The following FAM168B variants were observed in gnomAD, a reference collection of about 807,000 sequenced individuals.
FAM168B encodes family with sequence similarity 168 member B.
Under a neutral mutation model 21.8 loss-of-function variants are expected in FAM168B, and 19 were observed. The ratio of observed to expected loss-of-function variants is 0.87; its 90% confidence interval spans 0.61 to 1.28. FAM168B has a LOEUF of 1.28. Ranked by LOEUF, FAM168B falls within the 50% of genes most tolerant of loss-of-function variation. The pLI, the probability that FAM168B is intolerant of heterozygous loss-of-function variation, is 0.00. For missense variants in FAM168B, 233 were observed against 263.1 expected (o/e 0.89, Z 0.79); for synonymous variants, 126 against 104.8 (o/e 1.20, Z -1.24).
At chr2:131,079,074 G>A (rs186532510) in intron 2 of FAM168B, among the ~76,000 whole-genome samples, 12 of 152,042 alleles carry the variant, frequency 7.9e-5, no homozygotes, top group African/African-American at 2.4e-5. Flanking sequence ...GACATTATTC[G>A]GGAAAATAAT....
chr2:131,066,820 C>T (rs934876625), intron 3 of FAM168B, among the ~76,000 whole-genome samples: 4 of 152,218 alleles, frequency 2.6e-5, no homozygotes, highest in African/African-American at 9.6e-5. Flanking sequence ...CAATTCAAAG[C>T]TCTGATTCCA....
intron 1 of FAM168B, among the ~76,000 whole-genome samples, chr2:131,088,446 G>C (rs1693832696): frequency 6.6e-6 from 1 of 152,120 alleles, no homozygotes. Flanking sequence ...AGGAAGGCCA[G>C]ATAATTCTAA....
At chr2:131,062,866 T>C (rs1368366051) in intron 3 of FAM168B, among the ~76,000 whole-genome samples, 1 of 152,210 alleles carries the variant, frequency 6.6e-6, no homozygotes, top group African/African-American at 2.4e-5. Context: ...ATGCTAAACT[T>C]GTGCATTTCA....
intron 2 of FAM168B, among the ~76,000 whole-genome samples, chr2:131,081,338 T>G (rs575545916): frequency 1.3e-5 from 2 of 152,298 alleles, no homozygotes; most frequent in African/African-American, 4.8e-5. Flanking sequence ...AGGCAGAACT[T>G]TGCCTGCAGG....
rs558096474 is a variant in FAM168B at position 131,073,251 on chromosome 2, C to G, written c.71-1313G>C. 2.6e-5 allele frequency among the ~76,000 whole-genome samples: 4 copies of G among 152,212 alleles called. No individual in the cohort carries two copies. In the East Asian group the frequency reaches 7.7e-4, roughly 29 times the overall value. The stretch of plus-strand genomic sequence containing the variant: ...GGGACTACAGGCGTGCACCACCACG[C>G]CCAGCTAATTTTTGTATTTTTAGTA... On this transcript the variant is annotated intron_variant, in intron 2 of 6. Transcript: ENST00000389915.
Position 131,055,691 on chromosome 2 carries a change from G to A in FAM168B, c.159C>T (p.Tyr53=), listed in dbSNP as rs928801552. The change falls in exon 4 of 7, where the codon TAC becomes TAT. Residue 53 remains tyrosine, a synonymous_variant. Transcript: ENST00000389915. ...PGANPTFQTG[Y]TPGTPYKVSC... Reference sequence around the variant, plus strand: ...ACACTTTGTAAGGTGTGCCAGGAGTGTAACCTGGAACAAAGAAGGCAATGG... The same window carrying A: ...ACACTTTGTAAGGTGTGCCAGGAGTATAACCTGGAACAAAGAAGGCAATGG... The A allele has an allele frequency of 2.5e-6, 4 of 1,613,528 alleles. No homozygotes were observed. The highest frequency in any genetic ancestry group is 1.7e-5 in the Admixed American group (1 of 59,916).
chr2:131,084,906 A>T (rs897401219), intron 1 of FAM168B, among the ~76,000 whole-genome samples: 62 of 152,246 alleles, frequency 4.1e-4, no homozygotes, highest in African/African-American at 1.5e-3. Flanking sequence ...GTAGAGACAG[A>T]GTTTCACTAC....
At chr2:131,060,191 A>G (rs1405116179) in intron 3 of FAM168B, among the ~76,000 whole-genome samples, 1 of 152,106 alleles carries the variant, frequency 6.6e-6, no homozygotes, top group East Asian at 1.9e-4. Flanking sequence ...ACACCCAGCT[A>G]ATTTTTGTAT....
At position 131,088,910 on chromosome 2, in the gene FAM168B, C is replaced by T. The variant is rs569143133; in HGVS notation, c.-12+4304G>A. Among the ~76,000 whole-genome samples the T allele has an allele frequency of 4.0e-5, 6 of 151,828 alleles. No individual in the cohort carries two copies. The South Asian group carries it at 1.2e-3, about 32-fold the overall frequency. On this transcript the variant is annotated intron_variant, in intron 1 of 6. Transcript: ENST00000389915. The stretch of plus-strand genomic sequence containing the variant: ...TCCCTGCAACCACCAACTTTCCAGT[C>T]TAATTTGCTGTGGACTAAGAAACCC...
chr2:131,054,960 A>C (rs899961413), intron 5 of FAM168B, among the ~76,000 whole-genome samples: 6 of 152,102 alleles, frequency 3.9e-5, no homozygotes, highest in Admixed American at 3.9e-4. Context: ...CCCGGTACAC[A>C]AAGTGTCCTC....
intron 3 of FAM168B, among the ~76,000 whole-genome samples, 177 bp downstream of exon 3, chr2:131,071,678 T>C (rs1036499091): frequency 4.6e-5 from 7 of 152,164 alleles, no homozygotes; most frequent in South Asian, 2.1e-4. Context: ...ACACAGTATA[T>C]AAAGCTTCAG....
chr2:131,065,866 A>G (rs1363789942), intron 3 of FAM168B, among the ~76,000 whole-genome samples: 1 of 152,082 alleles, frequency 6.6e-6, no homozygotes, highest in African/African-American at 2.4e-5. Flanking sequence ...ATCATTAAAT[A>G]TTCTCCATAA....
At position 131,061,042 on chromosome 2, in the gene FAM168B, G is replaced by A. The variant is rs1264025585; in HGVS notation, c.155-5347C>T. 2.7e-5 allele frequency among the ~76,000 whole-genome samples: 4 copies of A among 150,722 alleles called. No homozygotes were observed. The East Asian group carries it at 8.0e-4, about 30-fold the overall frequency. On this transcript the variant is annotated intron_variant, in intron 3 of 6. Coordinates refer to ENST00000389915, the MANE Select transcript of FAM168B (RefSeq NM_001009993.4). ...AATTTTTTTTTTTTTTGGTAGAGAC[G>A]GGGTTTCACCGTGTTAGCCAGGATG...
At chr2:131,080,662 A>G (rs1278317865) in intron 2 of FAM168B, among the ~76,000 whole-genome samples, 1 of 149,236 alleles carries the variant, frequency 6.7e-6, no homozygotes, top group African/African-American at 2.5e-5. Flanking sequence ...TAAGCACTAA[A>G]AGAATAGTAA....
intron 2 of FAM168B, among the ~76,000 whole-genome samples, chr2:131,081,105 T>C (rs1693414527): frequency 6.6e-6 from 1 of 152,240 alleles, no homozygotes; most frequent in Admixed American, 6.5e-5. Context: ...TGTCTTGATA[T>C]TAACCTGAAA....
chr2:131,051,065 T>A lies in FAM168B; in HGVS notation c.*1400A>T, dbSNP rs1004467510. 7 of 985,314 alleles carry A rather than the reference T, an allele frequency of 7.1e-6. No homozygotes were observed. Among genetic ancestry groups the A allele is most frequent in the Non-Finnish European group, 8.4e-6 (7 of 829,970 alleles). The allele number at this position is 985,314 out of a possible 1,614,324, so 61.0% of individuals were successfully genotyped here. ...CTAAACTCAAATTCCTCTCCCACAA[T>A]AAACCCTGCCAGCAAACGCACTCCA... On this transcript the variant is annotated 3_prime_UTR_variant, in exon 7 of 7. Transcript: ENST00000389915.
Position 131,077,346 on chromosome 2 carries a change from T to G in FAM168B, c.70+5231A>C, listed in dbSNP as rs578109160. On this transcript the variant is annotated intron_variant, in intron 2 of 6. Transcript: ENST00000389915. ...ACCTACTGTTCAGCCAGGAGAAGTATGTGGGTCAACAGTCTCAGGAGCAGG... is the reference window on the plus strand; with the variant it reads ...ACCTACTGTTCAGCCAGGAGAAGTAGGTGGGTCAACAGTCTCAGGAGCAGG... Among the ~76,000 whole-genome samples the G allele has an allele frequency of 3.7e-4, 56 of 152,104 alleles. 1 individual carries two copies. Among genetic ancestry groups the G allele is most frequent in the Admixed American group, 3.1e-3 (48 of 15,272 alleles).
intron 3 of FAM168B, among the ~76,000 whole-genome samples, chr2:131,071,134 G>A (rs952668189): frequency 1.3e-5 from 2 of 152,190 alleles, no homozygotes; most frequent in Non-Finnish European, 2.9e-5. Context: ...AAGAATCTGG[G>A]GAAAGGACAC....
chr2:131,052,145 A>T lies in FAM168B; in HGVS notation c.*320T>A. ...ATCAGTCACTGCAGGTAGATTGAGC[A>T]AGCTTTTTGTGTTTGTTTTTTTAAA... On this transcript the variant is annotated 3_prime_UTR_variant, in exon 7 of 7. Transcript: ENST00000389915. 3.0e-6 allele frequency: 3 copies of T among 985,788 alleles called. No individual in the cohort carries two copies. The highest frequency in any genetic ancestry group is 2.4e-6 in the Non-Finnish European group (2 of 829,930). The allele number at this position is 985,788 out of a possible 1,614,324, so 61.1% of individuals were successfully genotyped here.
Sources: gnomAD v4.1 joint callset for allele counts (sites outside exome capture counted in the v4.1 genomes callset) on GRCh38, gnomAD v4.1.1 for gene constraint, MANE v1.5 for transcripts, NCBI Gene and HGNC (gene_info 2026-07-23, HGNC 2026-07-21) for gene names.